The following MME variants were observed in gnomAD, a reference collection of about 807,000 sequenced individuals.
MME encodes the protein membrane metalloendopeptidase, also known as neprilysin.
A neutral mutation model predicts 113.2 loss-of-function variants in MME; 98 were observed. That is an observed-to-expected ratio of 0.87 (90% confidence interval 0.74 to 1.02). The LOEUF (loss-of-function observed/expected upper bound fraction) is 1.02, where lower values mean the gene tolerates loss of function less well. Among genes scored for constraint, MME ranks in the 50% least tolerant of loss-of-function variants. The pLI, the probability that MME is intolerant of heterozygous loss-of-function variation, is 0.00. For missense variants in MME, 836 were observed against 896.0 expected (o/e 0.93, Z 0.86); for synonymous variants, 292 against 300.6 (o/e 0.97, Z 0.30).
intron 1 of MME, among the ~76,000 whole-genome samples, chr3:155,061,178 C>T (rs1047961223): frequency 5.9e-5 from 9 of 152,100 alleles, no homozygotes; most frequent in Admixed American, 2.6e-4. Flanking sequence ...GCCGGGCGGG[C>T]GCGGTGGCTC....
At chr3:155,123,412 A>G (rs1167430169) in intron 8 of MME, among the ~76,000 whole-genome samples, 3 of 101,286 alleles carry the variant, frequency 3.0e-5, no homozygotes, top group African/African-American at 1.1e-4. Flanking sequence ...CATTTAGTCC[A>G]TTTACATTTA....
chr3:155,165,514 T>C (rs748145653), intron 17 of MME, among the ~76,000 whole-genome samples: 1 of 152,072 alleles, frequency 6.6e-6, no homozygotes, highest in African/African-American at 2.4e-5. Flanking sequence ...AAGATGTGTT[T>C]AGCTAGAGAG....
chr3:155,041,697 G>A (rs377010716), intron 1 of MME, among the ~76,000 whole-genome samples: 25 of 152,234 alleles, frequency 1.6e-4, no homozygotes, highest in Non-Finnish European at 3.5e-4. Context: ...TGTTTAAATA[G>A]AAGTGCACAA....
chr3:155,174,325 C>CGTGTGTGTGTGTGT (rs3839085), intron 22 of MME, among the ~76,000 whole-genome samples: 5 of 110,258 alleles, frequency 4.5e-5, no homozygotes, highest in East Asian at 5.1e-4. Context: ...ACAACAGAAG[C>CGTGTGTGTGTGTGT]GTGTGTGTGT....
intron 1 of MME, among the ~76,000 whole-genome samples, chr3:155,033,398 T>C (rs1713036046): frequency 6.6e-6 from 1 of 152,224 alleles, no homozygotes; most frequent in South Asian, 2.1e-4. Context: ...ATTAAGCTTT[T>C]CTTTATTTGC....
chr3:155,067,218 AC>A (rs1423784368), intron 1 of MME, among the ~76,000 whole-genome samples: 19 of 150,162 alleles, frequency 1.3e-4, no homozygotes, highest in Admixed American at 6.6e-4. Context: ...AAAAAAAAAA[AC>A]ACCTCTCATT....
intron 22 of MME, among the ~76,000 whole-genome samples, chr3:155,173,700 A>AAGAT (rs1393028483): frequency 6.6e-6 from 1 of 152,032 alleles, no homozygotes; most frequent in Non-Finnish European, 1.5e-5. Flanking sequence ...TAGTTCTGCT[A>AAGAT]AGATATTCAA....
chr3:155,119,485 T>C (rs1276693604), intron 8 of MME, among the ~76,000 whole-genome samples: 2 of 144,862 alleles, frequency 1.4e-5, no homozygotes, highest in African/African-American at 5.1e-5. Flanking sequence ...GTTACATATG[T>C]ATACATGTGC....
intron 3 of MME, among the ~76,000 whole-genome samples, chr3:155,098,319 G>T (rs550555512): frequency 1.3e-5 from 2 of 152,244 alleles, no homozygotes; most frequent in East Asian, 1.9e-4. Flanking sequence ...ACTTTGGGAG[G>T]CCAAGGCAGG....
chr3:155,176,751 A>G lies in MME; in HGVS notation c.2154-3609A>G, dbSNP rs920020940. 3.9e-5 allele frequency among the ~76,000 whole-genome samples: 6 copies of G among 152,110 alleles called. 1 individual carries two copies. Among genetic ancestry groups the G allele is most frequent in the African/African-American group, 1.4e-4 (6 of 41,422 alleles). On this transcript the variant is annotated intron_variant, in intron 22 of 22. Transcript: ENST00000360490. ...TGAGGCAGGAGGATTGCTTGAACCC[A>G]GGAGGTCAAGGCTGCAGTGAGCTGT...
At chr3:155,085,121 G>T in intron 3 of MME, 27 bp downstream of exon 3, 1 of 1,440,562 alleles carries the variant, frequency 6.9e-7, no homozygotes, top group Non-Finnish European at 9.7e-7. Flanking sequence ...ACGTGTAATA[G>T]TTATACAACT....
At chr3:155,175,287 T>C (rs1460997305) in intron 22 of MME, among the ~76,000 whole-genome samples, 1 of 151,828 alleles carries the variant, frequency 6.6e-6, no homozygotes, top group Non-Finnish European at 1.5e-5. Flanking sequence ...GTTTGTTTCT[T>C]TCCTAGTTTT....
At chr3:155,146,995 C>G in intron 14 of MME, 149 bp from the exon 15 acceptor site, 1 of 633,346 alleles carries the variant, frequency 1.6e-6, no homozygotes, top group Non-Finnish European at 2.9e-6. Context: ...AGGAAAGAGC[C>G]ATTGCAAAGA....
At chr3:155,125,711 G>A (rs963642445) in intron 8 of MME, among the ~76,000 whole-genome samples, 3 of 151,646 alleles carry the variant, frequency 2.0e-5, no homozygotes, top group African/African-American at 4.8e-5. Flanking sequence ...CACCTGCCTC[G>A]GCCCCCTAAA....
intron 3 of MME, among the ~76,000 whole-genome samples, chr3:155,086,954 G>A (rs536678022): frequency 4.4e-4 from 67 of 151,882 alleles, no homozygotes; most frequent in African/African-American, 1.3e-3. Context: ...ATAGGCACCT[G>A]CCACCATTCC....
chr3:155,109,724 T>A lies in MME; in HGVS notation c.197-5270T>A, dbSNP rs527561165. Among the ~76,000 whole-genome samples, 198 of 152,300 alleles carry A rather than the reference T, an allele frequency of 1.3e-3. 3 individuals carry two copies. Among genetic ancestry groups the A allele is most frequent in the African/African-American group, 4.4e-3 (183 of 41,562 alleles). On this transcript the variant is annotated intron_variant, in intron 3 of 22. Transcript: ENST00000360490. ...ACCCCCTCCAAAGATTCTGACTGAA[T>A]TGATCAGGAGTAGAATTCTGGGCAT...
chr3:155,069,052 T>C (rs1375291089), intron 1 of MME, among the ~76,000 whole-genome samples: 4 of 152,102 alleles, frequency 2.6e-5, no homozygotes, highest in Non-Finnish European at 5.9e-5. Flanking sequence ...GCCTGTAAAG[T>C]ATATAGGTTT....
rs1420246141 is a variant in MME, at chr3:155,160,371, G to T, written c.1602-19G>T. 1 of 1,501,748 alleles carries T rather than the reference G, an allele frequency of 6.7e-7. No individual in the cohort carries two copies. Among genetic ancestry groups the T allele is most frequent in the Non-Finnish European group, 9.0e-7 (1 of 1,106,712 alleles). 93.0% of individuals were successfully genotyped at this position (1,501,748 alleles called of 1,614,324 possible). A position where few individuals can be genotyped will look rare whatever the true frequency, so the allele number is the denominator to read the frequency against. ...GATAATGCAGTATCATTTGTAAAGA[G>T]TTCTTATGTTTTCTACAGGTGGATA... On this transcript the variant is annotated intron_variant, in intron 16 of 22. Transcript: ENST00000360490.
chr3:155,102,171 A>T (rs62279990), intron 3 of MME, among the ~76,000 whole-genome samples: 26,131 of 152,138 alleles, frequency 0.17, 2,934 homozygotes, highest in Non-Finnish European at 0.26. Flanking sequence ...CTAGTATCAG[A>T]ATGTTTTAAG....
Sources: allele counts gnomAD v4.1 joint callset (sites outside exome capture counted in the v4.1 genomes callset), GRCh38; gene constraint gnomAD v4.1.1; transcripts MANE v1.5; gene names NCBI Gene and HGNC (gene_info 2026-07-23, HGNC 2026-07-21).